Variants in BRD9 observed in about 807,000 individuals in gnomAD.
BRD9 encodes bromodomain containing 9, also known as bromodomain-containing protein 9.
Under a neutral mutation model 68.7 loss-of-function variants are expected in BRD9, and 47 were observed. That is an observed-to-expected ratio of 0.68 (90% CI 0.54 to 0.87). The LOEUF (loss-of-function observed/expected upper bound fraction) is 0.87. Ranked by LOEUF, BRD9 falls within the 40% of genes least tolerant of loss-of-function variation. The pLI is 0.00. For missense variants in BRD9, 670 were observed against 748.4 expected, an observed-to-expected ratio of 0.90 and a Z score of 1.22; for synonymous variants, 313 against 293.9, an observed-to-expected ratio of 1.06 and a Z score of -0.67.
rs1753393131 is a variant in BRD9, at chr5:891,505, G to A, written c.267+135C>T. ...GGAACTGAGTCTGCGGGCCTCAGCG[G>A]TTCGCGTTTTGCTACCAACGGAACA... On this transcript the variant is annotated intron_variant, in intron 2 of 15. Coordinates refer to ENST00000467963, the MANE Select transcript of BRD9 (RefSeq NM_023924.5). 5.7e-6 allele frequency: 8 copies of A among 1,394,270 alleles called. No homozygotes were observed. In the South Asian group the frequency reaches 9.0e-5, roughly 16 times the overall value. The allele number at this position is 1,394,270 out of a possible 1,614,324, so 86.4% of individuals were successfully genotyped here.
In BRD9 at chr5:864,133, G is replaced by A. The variant is rs1488309268; in HGVS notation, c.*335C>T. 5.3e-6 allele frequency: 1 copy of A among 187,598 alleles called. No individual in the cohort carries two copies. The highest frequency in any genetic ancestry group is 1.1e-5 in the Non-Finnish European group (1 of 88,364). The allele number at this position is 187,598 out of a possible 1,614,324, so 11.6% of individuals were successfully genotyped here. A position where few individuals can be genotyped will look rare whatever the true frequency, so the allele number is the denominator to read the frequency against. On this transcript the variant is annotated 3_prime_UTR_variant, in exon 16 of 16. Coordinates refer to ENST00000467963, the MANE Select transcript of BRD9 (RefSeq NM_023924.5). ...TTCGCGTATGACTCCACTCCTCAGG[G>A]TTCACGGGGCTGTGTACAGAGACTC...
intron 12 of BRD9, 92 bp from the exon 13 acceptor site, chr5:871,656 T>A: frequency 1.6e-6 from 2 of 1,243,064 alleles, no homozygotes; most frequent in Non-Finnish European, 1.2e-6. Flanking sequence ...TAAAAATGGC[T>A]TGTGCGCTTC....
At chr5:867,291 T>G (rs920236828) in intron 14 of BRD9, among the ~76,000 whole-genome samples, 1 of 152,210 alleles carries the variant, frequency 6.6e-6, no homozygotes, top group African/African-American at 2.4e-5. Context: ...GGCAGAAGTC[T>G]GCTGCAGGGG....
chr5:883,338 G>A (rs1362813470), intron 8 of BRD9: 2 of 456,692 alleles, frequency 4.4e-6, no homozygotes, highest in East Asian at 6.9e-5. Context: ...AAACCTGCAA[G>A]GATTAATGTC....
Position 871,549 on chromosome 5 carries a change from T to C in BRD9, c.1399A>G (p.Met467Val), listed in dbSNP as rs759171078. 3 of 1,614,194 alleles carry C rather than the reference T, an allele frequency of 1.9e-6. No individual in the cohort carries two copies. The highest frequency in any genetic ancestry group is 4.5e-5 in the East Asian group (2 of 44,892). ...FQLKQRRNVPMKPPDEAKVGD... is the reference protein window; with the variant it reads ...FQLKQRRNVPVKPPDEAKVGD... ...ACCTTGGCTTCATCTGGAGGCTTCA[T>C]GGGAACATTTCTTCTCTGAAAAGTA... The change falls in exon 13 of 16, where the codon ATG becomes GTG. Residue 467 changes from methionine to valine, a missense_variant. Met to Val is a conservative substitution (Grantham distance 21). Around this residue, in one of 5 missense-constraint regions of BRD9, gnomAD observed 280 missense variants for 281.5 expected, o/e 0.99. Transcript: ENST00000467963.
intron 12 of BRD9, among the ~76,000 whole-genome samples, chr5:872,632 A>G (rs1041029638): frequency 2.0e-5 from 3 of 152,206 alleles, no homozygotes; most frequent in African/African-American, 7.2e-5. Flanking sequence ...GCTGCTCCTC[A>G]GAGCTGCAGA....
intron 12 of BRD9, among the ~76,000 whole-genome samples, chr5:875,598 C>T (rs754465571): frequency 1.3e-5 from 2 of 152,136 alleles, no homozygotes; most frequent in Admixed American, 6.5e-5. Context: ...CTGCCCGCCT[C>T]GGCCTCCCAA....
intron 12 of BRD9, among the ~76,000 whole-genome samples, chr5:873,545 T>C (rs930382245): frequency 6.6e-6 from 1 of 152,214 alleles, no homozygotes; most frequent in African/African-American, 2.4e-5. Context: ...TCTGTGTCCT[T>C]ATGCACGACT....
intron 6 of BRD9, 148 bp downstream of exon 6, chr5:887,213 G>T: frequency 1.5e-6 from 1 of 664,626 alleles, no homozygotes; most frequent in Non-Finnish European, 2.6e-6. Flanking sequence ...GGGCGGCCGG[G>T]GACGTCTACC....
intron 9 of BRD9, among the ~76,000 whole-genome samples, 186 bp downstream of exon 9, chr5:880,921 C>T (rs1023601762): frequency 6.6e-6 from 1 of 152,248 alleles, no homozygotes; most frequent in Non-Finnish European, 1.5e-5. Context: ...ACCCCCGCCC[C>T]GCGAGATGGC....
chr5:873,904 G>A lies in BRD9; in HGVS notation c.1383+2197C>T, dbSNP rs544593121. ...CCACGCTGAAAAGACAGGGCTCCCC[G>A]AAGGGCCACTCCTTAGCATTAAGGC... On this transcript the variant is annotated intron_variant, in intron 12 of 15. Transcript: ENST00000467963. Among the ~76,000 whole-genome samples the A allele has an allele frequency of 9.8e-4, 149 of 152,258 alleles. 1 individual carries two copies. Among genetic ancestry groups the A allele is most frequent in the Middle Eastern group, 6.8e-3 (2 of 294 alleles).
intron 6 of BRD9, among the ~76,000 whole-genome samples, chr5:887,088 C>A (rs1752684316): frequency 6.6e-6 from 1 of 152,224 alleles, no homozygotes; most frequent in Non-Finnish European, 1.5e-5. Flanking sequence ...AACAAGCCCG[C>A]AATGCTGGCT....
Position 892,799 on chromosome 5 carries a change from A to C in BRD9, c.-142T>G. On this transcript the variant is annotated 5_prime_UTR_variant, in exon 1 of 16. Transcript: ENST00000467963. The stretch of plus-strand genomic sequence containing the variant: ...GCCGAGCTCGCTGGGCCGCGCCGGA[A>C]ACGGGGCGAGGCGGGGCCGCGGCAG... The C allele has an allele frequency of 9.8e-7, 1 of 1,015,510 alleles. No homozygotes were observed. The highest frequency in any genetic ancestry group is 1.3e-6 in the Non-Finnish European group (1 of 794,738). The allele number at this position is 1,015,510 out of a possible 1,614,324, so 62.9% of individuals were successfully genotyped here.
intron 11 of BRD9, among the ~76,000 whole-genome samples, chr5:876,427 G>A (rs550782840): frequency 1.3e-5 from 2 of 152,204 alleles, no homozygotes; most frequent in Non-Finnish European, 2.9e-5. Flanking sequence ...AGTGGGGAGA[G>A]GGAGAAAAGC....
intron 12 of BRD9, among the ~76,000 whole-genome samples, chr5:873,707 G>A (rs769386584): frequency 1.3e-5 from 2 of 152,138 alleles, no homozygotes; most frequent in South Asian, 2.1e-4. Flanking sequence ...ACAAAACCTC[G>A]GCATGGGTGT....
rs1044666500 is a variant in BRD9, at chr5:881,020, T to C, written c.1042+87A>G. 5 of 1,404,934 alleles carry C rather than the reference T, an allele frequency of 3.6e-6. No individual in the cohort carries two copies. In the African/African-American group the frequency reaches 5.7e-5, roughly 16 times the overall value. 87.0% of individuals were successfully genotyped at this position (1,404,934 alleles called of 1,614,324 possible). ...AGCCTCTCATGCTGCCCCATGGCCA[T>C]GGCTCAGCTTTTCATTACAGAATAT... On this transcript the variant is annotated intron_variant, in intron 9 of 15. Transcript: ENST00000467963.
Position 870,489 on chromosome 5 carries a change from G to A in BRD9, c.1509C>T (p.Ser503=). ...ACAACTCACCCAGAGAGCTGAGCATGGAGATATCCACAGAAACGTCGGGAT... is the reference window on the plus strand; with the variant it reads ...ACAACTCACCCAGAGAGCTGAGCATAGAGATATCCACAGAAACGTCGGGAT... ...KSYPDVSVDI[S]MLSSLGKVKK... is the part of the protein sequence containing the mutation. Residue 503 remains serine, a synonymous_variant, in exon 14 of 16, where the codon TCC becomes TCT. Transcript: ENST00000467963. 1 of 1,613,738 alleles carries A rather than the reference G, an allele frequency of 6.2e-7. No homozygotes were observed.
At position 865,832 on chromosome 5, in the gene BRD9, CCGCACAGACCACGTCATGGCA is replaced by C. The variant is rs528154367; in HGVS notation, c.1526-272_1526-252del. ...GCAAAGCATCAGACAAGACCTAGCA[CCGCACAGACCACGTCATGGCA>C]CGCACAGACACCGTGGAGGGATGTG... On this transcript the variant is annotated intron_variant, in intron 14 of 15. Transcript: ENST00000467963. 57 of 433,872 alleles carry C rather than the reference CCGCACAGACCACGTCATGGCA, an allele frequency of 1.3e-4. No individual in the cohort carries two copies. The South Asian group carries it at 2.7e-3, about 20-fold the overall frequency. The allele number at this position is 433,872 out of a possible 1,614,324, so 26.9% of individuals were successfully genotyped here. A position where few individuals can be genotyped will look rare whatever the true frequency, so the allele number is the denominator to read the frequency against.
At chr5:871,793 G>A (rs756309674) in intron 12 of BRD9, among the ~76,000 whole-genome samples, 4 of 152,222 alleles carry the variant, frequency 2.6e-5, no homozygotes, top group Admixed American at 1.3e-4. Context: ...ATTGTGTGCC[G>A]GGGACAGCGC....
Sources: gnomAD v4.1 joint callset for allele counts (sites outside exome capture counted in the v4.1 genomes callset) on GRCh38, gnomAD v4.1.1 for gene constraint, gnomAD v4.1.1 regional missense constraint, MANE v1.5 for transcripts, NCBI Gene and HGNC (gene_info 2026-07-23, HGNC 2026-07-21) for gene names.